MCM9: variants seen among roughly 807,000 people sequenced by gnomAD.
The protein encoded by MCM9 is minichromosome maintenance 9 homologous recombination repair factor, also known as DNA helicase MCM9.
In MCM9, 55 loss-of-function variants were observed where a neutral mutation model predicts 72.8. The observed-to-expected ratio is 0.76, with a 90% CI of 0.61 to 0.95. The LOEUF is 0.95. Among genes scored for constraint, MCM9 ranks in the 40% least tolerant of loss-of-function variants. MCM9 has a pLI of 0.00. For synonymous variants in MCM9, 480 were observed against 503.4 expected, an observed-to-expected ratio of 0.95 and a Z score of 0.62; for missense variants, 1,279 against 1,377.0, an observed-to-expected ratio of 0.93 and a Z score of 1.13.
Position 118,829,264 on chromosome 6 carries a change from C to T in MCM9, c.1326-14G>A, listed in dbSNP as rs1423768547. The T allele has an allele frequency of 2.0e-6, 3 of 1,531,724 alleles. No individual in the cohort carries two copies. The highest frequency in any genetic ancestry group is 2.4e-5 in the South Asian group (2 of 83,148). The allele number at this position is 1,531,724 out of a possible 1,614,324, so 94.9% of individuals were successfully genotyped here. ...TTGCACACGAGGCTGCCAGGAGAGA[C>T]AGTACAATTCACTGATTGTGAGGTT... On this transcript the variant is annotated splice_polypyrimidine_tract_variant and intron_variant, in intron 9 of 13. Transcript: ENST00000619706.
chr6:118,926,171 T>G (rs966991091), intron 3 of MCM9, among the ~76,000 whole-genome samples: 1 of 152,202 alleles, frequency 6.6e-6, no homozygotes, highest in African/African-American at 2.4e-5. Flanking sequence ...ATTTCACACG[T>G]AGATGCTCCG....
intron 9 of MCM9, among the ~76,000 whole-genome samples, chr6:118,852,507 G>C (rs534708259): frequency 4.1e-4 from 62 of 151,912 alleles, no homozygotes; most frequent in Non-Finnish European, 6.0e-4. Flanking sequence ...AAATGGTATC[G>C]CCTCCCCAGG....
At chr6:118,913,791 C>T (rs1437052073) in intron 6 of MCM9, among the ~76,000 whole-genome samples, 3 of 151,812 alleles carry the variant, frequency 2.0e-5, no homozygotes, top group Non-Finnish European at 4.4e-5. Context: ...TTTGGAGCAA[C>T]GTGGTCTCAC....
At chr6:118,843,706 ATG>A (rs1380895703) in intron 9 of MCM9, among the ~76,000 whole-genome samples, 8 of 72,114 alleles carry the variant, frequency 1.1e-4, no homozygotes, top group African/African-American at 3.1e-4. Flanking sequence ...ATATATATGT[ATG>A]TATATATATA....
chr6:118,886,613 T>A lies in MCM9; in HGVS notation c.1150+25037A>T, dbSNP rs538273962. 2.0e-5 allele frequency among the ~76,000 whole-genome samples: 3 copies of A among 152,030 alleles called. No homozygotes were observed. In the South Asian group the frequency reaches 6.2e-4, roughly 32 times the overall value. On this transcript the variant is annotated intron_variant, in intron 8 of 13. Transcript: ENST00000619706. ...TCCATTACAATAGCATCAAAAAGAA[T>A]AAAATATGTAGGAATAAATTTAATC...
chr6:118,843,639 A>ATATATATATATATATAT, intron 9 of MCM9, among the ~76,000 whole-genome samples: 1 of 3,432 alleles, frequency 2.9e-4, no homozygotes, highest in South Asian at 9.4e-3. Flanking sequence ...AACAAAACAA[A>ATATATATATATATATAT]ACATATATAT....
intron 9 of MCM9, among the ~76,000 whole-genome samples, chr6:118,841,352 T>C (rs1295902600): frequency 6.6e-6 from 1 of 152,126 alleles, no homozygotes; most frequent in Non-Finnish European, 1.5e-5. Flanking sequence ...CAGAAGGACT[T>C]TCCCTCTTCT....
chr6:118,894,391 ATTGTTT>A, intron 8 of MCM9: 1 of 1,536,326 alleles, frequency 6.5e-7, no homozygotes, highest in Non-Finnish European at 8.7e-7. Flanking sequence ...CCCAGTTCCC[ATTGTTT>A]GTGTTTTTTT....
In MCM9 at chr6:118,816,283, T is replaced by TCCAAAAGTCCAATTCATTCATTTAA; in HGVS notation, c.1972_1973insTTAAATGAATGAATTGGACTTTTGG (p.Gln658LeufsTer3). The TCCAAAAGTCCAATTCATTCATTTAA allele has an allele frequency of 6.5e-7, 1 of 1,534,988 alleles. No homozygotes were observed. Among genetic ancestry groups the TCCAAAAGTCCAATTCATTCATTTAA allele is most frequent in the East Asian group, 2.5e-5 (1 of 40,710 alleles). Reference sequence around the variant, plus strand: ...CCGTGGTTGGGATTGGTGCACACTCTGATTCTGTAACCTGTAGCAAAGACA... The same window carrying TCCAAAAGTCCAATTCATTCATTTAA: ...CCGTGGTTGGGATTGGTGCACACTCTCCAAAAGTCCAATTCATTCATTTAAGATTCTGTAACCTGTAGCAAAGACA... On this transcript the variant is annotated stop_gained and frameshift_variant, in exon 14 of 14. Coordinates refer to ENST00000619706, the MANE Select transcript of MCM9 (RefSeq NM_017696.3). LOFTEE classifies it low-confidence loss of function (END_TRUNC).
In MCM9 at chr6:118,815,797, T is replaced by C; in HGVS notation, c.2459A>G (p.Lys820Arg). The change falls in exon 14 of 14, where the codon AAA becomes AGA. Residue 820 changes from lysine (K) to arginine (R), a missense_variant. By Grantham distance (26) the Lys-to-Arg change is conservative (BLOSUM62 2). Transcript: ENST00000619706. ...WRADNVESNK[K>R]KRLALDSEAA... Reference sequence around the variant, plus strand: ...TTCAGAATCTAGTGCTAGCCTTTTTTTCTTGTTACTTTCCACATTGTCTGC... The same window carrying C: ...TTCAGAATCTAGTGCTAGCCTTTTTCTCTTGTTACTTTCCACATTGTCTGC... The C allele has an allele frequency of 6.5e-7, 1 of 1,539,354 alleles. No individual in the cohort carries two copies. Among genetic ancestry groups the C allele is most frequent in the East Asian group, 2.4e-5 (1 of 40,912 alleles).
chr6:118,915,460 C>T (rs1226266366), intron 6 of MCM9, among the ~76,000 whole-genome samples: 2 of 152,172 alleles, frequency 1.3e-5, no homozygotes, highest in African/African-American at 2.4e-5. Flanking sequence ...CCAACCCTTA[C>T]ATCTGGGTTT....
intron 8 of MCM9, 101 bp from the exon 9 acceptor site, chr6:118,856,646 A>C: frequency 8.0e-7 from 1 of 1,254,240 alleles, no homozygotes; most frequent in East Asian, 2.5e-5. Flanking sequence ...TAGGAGGCTG[A>C]GGTGAGAAGA....
At chr6:118,915,252 C>A (rs1473822327) in intron 6 of MCM9, among the ~76,000 whole-genome samples, 1 of 152,168 alleles carries the variant, frequency 6.6e-6, no homozygotes, top group Non-Finnish European at 1.5e-5. Context: ...AATGCATTAG[C>A]ACCAGTACTA....
chr6:118,888,626 A>G (rs535395347), intron 8 of MCM9, among the ~76,000 whole-genome samples: 1 of 152,350 alleles, frequency 6.6e-6, no homozygotes, highest in East Asian at 1.9e-4. Context: ...AAATTTGTAC[A>G]CATATGTTAA....
At chr6:118,921,226 C>T (rs1193716545) in intron 5 of MCM9, 1 of 152,208 alleles carries the variant, frequency 6.6e-6, no homozygotes, top group Non-Finnish European at 1.5e-5. Context: ...AAGAACTCAT[C>T]ACCATCTAAG....
chr6:118,833,615 T>C (rs1169247680), intron 9 of MCM9, among the ~76,000 whole-genome samples: 1 of 152,078 alleles, frequency 6.6e-6, no homozygotes, highest in Non-Finnish European at 1.5e-5. Flanking sequence ...AGAAAGAAAA[T>C]GCAAACACAT....
Position 118,829,257 on chromosome 6 carries a change from G to A in MCM9, c.1326-7C>T. On this transcript the variant is annotated splice_polypyrimidine_tract_variant and splice_region_variant and intron_variant, in intron 9 of 13. Coordinates refer to ENST00000619706, the MANE Select transcript of MCM9 (RefSeq NM_017696.3). ...GTTCAGCTTGCACACGAGGCTGCCA[G>A]GAGAGACAGTACAATTCACTGATTG... 1 of 1,546,284 alleles carries A rather than the reference G, an allele frequency of 6.5e-7. No homozygotes were observed. Among genetic ancestry groups the A allele is most frequent in the Non-Finnish European group, 8.7e-7 (1 of 1,143,554 alleles).
intron 8 of MCM9, among the ~76,000 whole-genome samples, chr6:118,882,220 A>G (rs1778333114): frequency 6.6e-6 from 1 of 152,204 alleles, no homozygotes. Context: ...GGCAGAGGCT[A>G]CCATTTCCGC....
intron 9 of MCM9, among the ~76,000 whole-genome samples, chr6:118,832,971 G>C (rs1213926794): frequency 6.6e-6 from 1 of 152,174 alleles, no homozygotes; most frequent in Non-Finnish European, 1.5e-5. Flanking sequence ...ATGATACCAA[G>C]TCTGGACAAT....
Sources: allele counts gnomAD v4.1 joint callset (sites outside exome capture counted in the v4.1 genomes callset), GRCh38; gene constraint gnomAD v4.1.1; transcripts MANE v1.5; gene names NCBI Gene and HGNC (gene_info 2026-07-23, HGNC 2026-07-21).